Variants in RBPJ observed in about 807,000 individuals in gnomAD.
RBPJ encodes recombining binding protein suppressor of hairless.
RBPJ carries 9 observed loss-of-function variants against 67.8 expected under a neutral mutation model. The observed-to-expected ratio is 0.13, with a 90% confidence interval of 0.08 to 0.23. RBPJ has a LOEUF of 0.23. Among genes scored for constraint, RBPJ ranks in the 10% least tolerant of loss-of-function variants. RBPJ has a pLI of 1.00. For missense variants in RBPJ, 305 were observed against 595.6 expected (o/e 0.51, Z 5.08); for synonymous variants, 198 against 203.3 (o/e 0.97, Z 0.22).
chr4:26,122,740 CA>C, the RBPJ span, among the ~76,000 whole-genome samples: 1 of 151,876 alleles, frequency 6.6e-6, no homozygotes, highest in Non-Finnish European at 1.5e-5. Flanking sequence ...TAGGAACTGG[CA>C]AACTTTGGCT....
intron 1 of RBPJ, among the ~76,000 whole-genome samples, chr4:26,209,867 C>T (rs1485581798): frequency 6.8e-6 from 1 of 146,118 alleles, no homozygotes. Flanking sequence ...CTTCCTCCTT[C>T]CCTCTCTCCC....
At chr4:26,255,150 A>T (rs1720258859) in intron 1 of RBPJ, among the ~76,000 whole-genome samples, 3 of 144,458 alleles carry the variant, frequency 2.1e-5, no homozygotes, top group South Asian at 4.6e-4. Context: ...CACGCCTGTA[A>T]TCCCAGCACT....
At chr4:26,183,052 A>G (rs952394914) in intron 1 of RBPJ, among the ~76,000 whole-genome samples, 4 of 152,232 alleles carry the variant, frequency 2.6e-5, no homozygotes, top group Non-Finnish European at 5.9e-5. Context: ...CTCTAACCTA[A>G]CAATAAAAAG....
At chr4:26,397,341 C>G (rs1351016513) in intron 2 of RBPJ, among the ~76,000 whole-genome samples, 2 of 152,042 alleles carry the variant, frequency 1.3e-5, no homozygotes. Context: ...TGGCAGCATC[C>G]CCAAGTAGAT....
chr4:26,153,116 A>G, the RBPJ span, among the ~76,000 whole-genome samples: 3 of 152,248 alleles, frequency 2.0e-5, no homozygotes, highest in African/African-American at 7.2e-5. Context: ...AATTTTGTGC[A>G]TGAAACAAAG....
chr4:26,359,189 G>T (rs1363933988), intron 1 of RBPJ, among the ~76,000 whole-genome samples: 2 of 152,084 alleles, frequency 1.3e-5, no homozygotes, highest in African/African-American at 4.8e-5. Context: ...TAAAATTTCT[G>T]TCCTGATTAA....
chr4:26,408,146 G>A (rs1733656854), intron 3 of RBPJ, among the ~76,000 whole-genome samples: 1 of 151,976 alleles, frequency 6.6e-6, no homozygotes, highest in Admixed American at 6.5e-5. Context: ...AAGGATTACA[G>A]GCATGAGACA....
intron 1 of RBPJ, among the ~76,000 whole-genome samples, chr4:26,206,306 T>C (rs1248198368): frequency 2.6e-5 from 4 of 152,238 alleles, no homozygotes; most frequent in African/African-American, 7.2e-5. Context: ...GTGATAACTT[T>C]AGCAAGAAGA....
chr4:26,268,316 T>A (rs371921359), intron 1 of RBPJ, among the ~76,000 whole-genome samples: 7 of 152,150 alleles, frequency 4.6e-5, no homozygotes, highest in African/African-American at 1.4e-4. Context: ...ACGGTTCTGG[T>A]CCAAAGTAAT....
intron 1 of RBPJ, among the ~76,000 whole-genome samples, chr4:26,302,113 T>G (rs1272747008): frequency 6.6e-6 from 1 of 152,020 alleles, no homozygotes; most frequent in Non-Finnish European, 1.5e-5. Context: ...TAAAAATAAG[T>G]ATAAAAGGAC....
chr4:26,327,204 A>G (rs1473114028), intron 1 of RBPJ, among the ~76,000 whole-genome samples: 1 of 152,194 alleles, frequency 6.6e-6, no homozygotes, highest in Non-Finnish European at 1.5e-5. Flanking sequence ...CTAATGGTCT[A>G]AAAAGGGTAA....
At position 26,182,792 on chromosome 4, in the gene RBPJ, C is replaced by G. The variant is rs7689202; in HGVS notation, c.-167+19178C>G. Among the ~76,000 whole-genome samples, 1,221 of 152,278 alleles carry G rather than the reference C, an allele frequency of 8.0e-3. 18 individuals are homozygous for G. Among genetic ancestry groups the G allele is most frequent in the African/African-American group, 0.028 (1,180 of 41,550 alleles). The stretch of plus-strand genomic sequence containing the variant: ...GCGATTACCGGTGTGAGCCACCACC[C>G]GGCTTACTTTTTAAACTTCTTTGTT... On this transcript the variant is annotated intron_variant, in intron 1 of 4. Coordinates refer to the RBPJ transcript ENST00000512351.
chr4:26,134,219 G>A, the RBPJ span, among the ~76,000 whole-genome samples: 1 of 152,130 alleles, frequency 6.6e-6, no homozygotes. Flanking sequence ...GCAGAGCTTT[G>A]GAATCAAACA....
At chr4:26,114,426 C>T in the RBPJ span, among the ~76,000 whole-genome samples, 1 of 145,830 alleles carries the variant, frequency 6.9e-6, no homozygotes, top group South Asian at 2.2e-4. Flanking sequence ...CACTGTACTC[C>T]AGCCCAGGCA....
chr4:26,431,052 A>G lies in RBPJ; in HGVS notation c.*45A>G, dbSNP rs1472284061. The G allele has an allele frequency of 1.3e-6, 2 of 1,533,622 alleles. No homozygotes were observed. The highest frequency in any genetic ancestry group is 1.8e-6 in the Non-Finnish European group (2 of 1,119,270). ...ACTTAAACTGACTTGAGTGTGGCAA[A>G]AAGTTAACAAAAAAGGAGAAAAAAT... On this transcript the variant is annotated 3_prime_UTR_variant, in exon 11 of 11. Transcript: ENST00000355476.
the RBPJ span, among the ~76,000 whole-genome samples, chr4:26,123,901 C>T: frequency 6.6e-6 from 1 of 152,044 alleles, no homozygotes; most frequent in Non-Finnish European, 1.5e-5. Flanking sequence ...TCCAGAAGTA[C>T]CTTCCTGAGG....
At position 26,332,260 on chromosome 4, in the gene RBPJ, T is replaced by C. The variant is rs371511133; in HGVS notation, c.20+11212T>C. Among the ~76,000 whole-genome samples, 4 of 152,314 alleles carry C rather than the reference T, an allele frequency of 2.6e-5. No homozygotes were observed. In the East Asian group the frequency reaches 5.8e-4, roughly 22 times the overall value. On this transcript the variant is annotated intron_variant, in intron 1 of 10. Transcript: ENST00000355476. ...CCTTTCAGAGGTTATTTCATAATTA[T>C]TGGTAAGTAAGCCATTCTTTGTCCT...
chr4:26,288,178 C>T (rs1430961469), intron 1 of RBPJ, among the ~76,000 whole-genome samples: 3 of 152,160 alleles, frequency 2.0e-5, no homozygotes, highest in Admixed American at 6.5e-5. Flanking sequence ...CAAGAATAAA[C>T]ATTTATTCTC....
At chr4:26,421,146 C>A (rs116314436) in intron 5 of RBPJ, among the ~76,000 whole-genome samples, 3,165 of 152,288 alleles carry the variant, frequency 0.021, 54 homozygotes, top group Middle Eastern at 0.034. Flanking sequence ...TGGGCTTTGG[C>A]AGGCCTTCCT....
Sources: allele counts gnomAD v4.1 joint callset (sites outside exome capture counted in the v4.1 genomes callset), GRCh38; gene constraint gnomAD v4.1.1; transcripts MANE v1.5; gene names NCBI Gene and HGNC (gene_info 2026-07-23, HGNC 2026-07-21).